Variants in MGAT5 observed in about 807,000 individuals in gnomAD.
The protein encoded by MGAT5 is alpha-1,6-mannosylglycoprotein 6-beta-N-acetylglucosaminyltransferase A.
MGAT5 carries 30 observed loss-of-function variants against 94.3 expected under a neutral mutation model. The ratio of observed to expected loss-of-function variants is 0.32; its 90% CI spans 0.24 to 0.43. The LOEUF (loss-of-function observed/expected upper bound fraction) is 0.43, where lower values mean the gene tolerates loss of function less well. Ranked by LOEUF, MGAT5 falls within the 20% of genes least tolerant of loss-of-function variation. The probability of loss-of-function intolerance (pLI) is 1.00; values close to 1 mark genes in which losing one functional copy is unlikely to be tolerated. For missense variants in MGAT5, 691 were observed against 905.5 expected (o/e 0.76, Z 3.04); for synonymous variants, 310 against 322.9 (o/e 0.96, Z 0.43).
At chr2:134,351,980 A>G (rs1030885106) in intron 9 of MGAT5, among the ~76,000 whole-genome samples, 3 of 152,180 alleles carry the variant, frequency 2.0e-5, no homozygotes, top group African/African-American at 7.2e-5. Flanking sequence ...AGAGAAATGC[A>G]TTTTTAAACT....
At chr2:134,276,538 T>C (rs1684389963) in intron 2 of MGAT5, among the ~76,000 whole-genome samples, 1 of 152,224 alleles carries the variant, frequency 6.6e-6, no homozygotes, top group South Asian at 2.1e-4. Flanking sequence ...AAAGATCTAC[T>C]TTACATCAGA....
Position 134,224,556 on chromosome 2 carries a change from T to C in MGAT5, c.-142-29706T>C, listed in dbSNP as rs988986583. On this transcript the variant is annotated intron_variant, in intron 1 of 16. Coordinates refer to the MGAT5 transcript ENST00000409645. ...AAAGCCCTTGAGAGATTTGAAATGA[T>C]AATGAGTGATCTGAAAGAAAAGGAT... Among the ~76,000 whole-genome samples the C allele has an allele frequency of 8.5e-5, 13 of 152,290 alleles. No homozygotes were observed. In the East Asian group the frequency reaches 2.5e-3, roughly 29 times the overall value.
chr2:134,200,607 C>A (rs1679739510), intron 1 of MGAT5, among the ~76,000 whole-genome samples: 1 of 152,316 alleles, frequency 6.6e-6, no homozygotes, highest in South Asian at 2.1e-4. Context: ...TTTATTCACT[C>A]ATTCAAGGAA....
At chr2:134,264,995 T>C (rs1249249241) in intron 1 of MGAT5, among the ~76,000 whole-genome samples, 1 of 152,188 alleles carries the variant, frequency 6.6e-6, no homozygotes, top group Non-Finnish European at 1.5e-5. Flanking sequence ...TCACAGTAGA[T>C]CTCAACCTTG....
At chr2:134,306,425 G>A (rs143361867) in intron 2 of MGAT5, among the ~76,000 whole-genome samples, 51 of 152,076 alleles carry the variant, frequency 3.4e-4, no homozygotes, top group African/African-American at 1.2e-3. Context: ...CATTTTTGTC[G>A]TTGACTATAC....
At position 134,337,493 on chromosome 2, in the gene MGAT5, G is replaced by C. The variant is rs1474548259; in HGVS notation, c.646-766G>C. ...CCTATCTCAAAGGGGGATAAAGAAG[G>C]AAAAGAGATGAGTGTTCAGAATGAG... On this transcript the variant is annotated intron_variant, in intron 5 of 15. Transcript: ENST00000281923. 2.6e-5 allele frequency among the ~76,000 whole-genome samples: 4 copies of C among 152,212 alleles called. No individual in the cohort carries two copies. The East Asian group carries it at 7.7e-4, about 29-fold the overall frequency.
chr2:134,345,653 A>G (rs57877540), intron 8 of MGAT5, among the ~76,000 whole-genome samples: 4,076 of 152,304 alleles, frequency 0.027, 188 homozygotes, highest in African/African-American at 0.092. Context: ...TACCTGGTAT[A>G]CAAACATGGC....
intron 11 of MGAT5, among the ~76,000 whole-genome samples, chr2:134,409,828 C>T (rs1265109378): frequency 1.3e-5 from 2 of 152,148 alleles, no homozygotes; most frequent in Non-Finnish European, 2.9e-5. Flanking sequence ...TGTGTAGGAA[C>T]GTCCCAATCC....
At position 134,307,321 on chromosome 2, in the gene MGAT5, A is replaced by G. The variant is rs1356776225; in HGVS notation, c.407-10208A>G. Reference sequence around the variant, plus strand: ...TCCGGGGCCATTTACAATGTTAGATATAAACTCTATTCAACTGTAAAGATT... The same window carrying G: ...TCCGGGGCCATTTACAATGTTAGATGTAAACTCTATTCAACTGTAAAGATT... On this transcript the variant is annotated intron_variant, in intron 2 of 15. Coordinates refer to ENST00000281923, the MANE Select transcript of MGAT5 (RefSeq NM_002410.5). Among the ~76,000 whole-genome samples the G allele has an allele frequency of 2.0e-5, 3 of 152,188 alleles. No individual in the cohort carries two copies. In the East Asian group the frequency reaches 5.8e-4, roughly 29 times the overall value.
At chr2:134,358,982 C>A (rs1045683183) in intron 9 of MGAT5, among the ~76,000 whole-genome samples, 20 of 152,198 alleles carry the variant, frequency 1.3e-4, no homozygotes, top group Admixed American at 9.2e-4. Flanking sequence ...GGGACCACAT[C>A]AAGCTGATTT....
chr2:134,334,091 A>T (rs192187584), intron 4 of MGAT5, among the ~76,000 whole-genome samples: 1 of 152,276 alleles, frequency 6.6e-6, no homozygotes, highest in East Asian at 1.9e-4. Context: ...TAAAAGCTAA[A>T]TTGGATTGAC....
At chr2:134,281,251 T>G (rs531966892) in intron 2 of MGAT5, among the ~76,000 whole-genome samples, 1 of 152,160 alleles carries the variant, frequency 6.6e-6, no homozygotes, top group Non-Finnish European at 1.5e-5. Context: ...CCTCTGTGAT[T>G]AATACCGTGT....
At chr2:134,255,810 C>T (rs543665353) in intron 1 of MGAT5, among the ~76,000 whole-genome samples, 1 of 152,196 alleles carries the variant, frequency 6.6e-6, no homozygotes, top group African/African-American at 2.4e-5. Flanking sequence ...GATTTCAAAT[C>T]GTGATTCCCA....
chr2:134,232,622 C>T (rs1681427316), intron 1 of MGAT5, among the ~76,000 whole-genome samples: 1 of 152,138 alleles, frequency 6.6e-6, no homozygotes, highest in South Asian at 2.1e-4. Flanking sequence ...TGCTCTGTTA[C>T]AATACCAAAC....
At chr2:134,315,281 A>C (rs1391138743) in intron 2 of MGAT5, among the ~76,000 whole-genome samples, 1 of 152,094 alleles carries the variant, frequency 6.6e-6, no homozygotes, top group African/African-American at 2.4e-5. Flanking sequence ...GTACCCCCTA[A>C]AATGTCTGAT....
intron 1 of MGAT5, among the ~76,000 whole-genome samples, chr2:134,144,266 C>T (rs544759749): frequency 5.3e-5 from 8 of 152,244 alleles, no homozygotes; most frequent in African/African-American, 7.2e-5. Flanking sequence ...GCCATCTGCT[C>T]GGCTTCTGGG....
chr2:134,180,189 A>G (rs1200214256), intron 1 of MGAT5, among the ~76,000 whole-genome samples: 1 of 152,210 alleles, frequency 6.6e-6, no homozygotes, highest in African/African-American at 2.4e-5. Context: ...CCAGCAGCCC[A>G]TGCTGCCGCT....
chr2:134,432,347 A>G (rs1489838849), intron 14 of MGAT5, among the ~76,000 whole-genome samples: 2 of 152,154 alleles, frequency 1.3e-5, no homozygotes, highest in East Asian at 1.9e-4. Context: ...AGGGAGGGTA[A>G]AAAAAAGAGT....
chr2:134,163,357 G>A (rs556048664), intron 1 of MGAT5, among the ~76,000 whole-genome samples: 1 of 152,270 alleles, frequency 6.6e-6, no homozygotes, highest in Non-Finnish European at 1.5e-5. Context: ...CTGGAGTAAG[G>A]GTGTTCCGGA....
Sources: gnomAD v4.1 joint callset for allele counts (sites outside exome capture counted in the v4.1 genomes callset) on GRCh38, gnomAD v4.1.1 for gene constraint, MANE v1.5 for transcripts, NCBI Gene and HGNC (gene_info 2026-07-23, HGNC 2026-07-21) for gene names.